Variants in RANBP17 observed in about 807,000 individuals in gnomAD.
RANBP17 encodes RAN binding protein 17.
RANBP17 carries 158 observed loss-of-function variants against 141.2 expected under a neutral mutation model. The ratio of observed to expected loss-of-function variants is 1.12; its 90% CI spans 0.98 to 1.28. RANBP17 has a LOEUF of 1.28. Ranked by LOEUF, RANBP17 falls within the 50% of genes most tolerant of loss-of-function variation. The pLI is 0.00. For missense variants in RANBP17, 1,438 were observed against 1,290.7 expected (o/e 1.11, Z -1.75); for synonymous variants, 430 against 450.0 (o/e 0.96, Z 0.56).
chr5:170,911,459 T>C (rs1771518958), intron 7 of RANBP17: 5 of 665,992 alleles, frequency 7.5e-6, no homozygotes, highest in Admixed American at 4.2e-5. Flanking sequence ...GATCCCACTC[T>C]GTTTATGATC....
intron 14 of RANBP17, among the ~76,000 whole-genome samples, chr5:171,117,619 G>A (rs1261718572): frequency 2.6e-5 from 4 of 151,844 alleles, no homozygotes; most frequent in Non-Finnish European, 4.4e-5. Context: ...TCAGCCTCCC[G>A]AGTAGCTAGG....
At chr5:171,215,577 C>T (rs1390562845) in intron 21 of RANBP17, among the ~76,000 whole-genome samples, 1 of 152,148 alleles carries the variant, frequency 6.6e-6, no homozygotes, top group African/African-American at 2.4e-5. Context: ...TGTTTCCTGA[C>T]TCTTTAATGA....
intron 14 of RANBP17, among the ~76,000 whole-genome samples, chr5:171,149,514 A>T (rs1400327031): frequency 6.6e-6 from 1 of 152,222 alleles, no homozygotes; most frequent in Admixed American, 6.5e-5. Flanking sequence ...GCAAAACAAA[A>T]GTGAAAGATT....
chr5:171,125,513 A>G (rs1756384734), intron 14 of RANBP17, among the ~76,000 whole-genome samples: 1 of 152,164 alleles, frequency 6.6e-6, no homozygotes, highest in African/African-American at 2.4e-5. Flanking sequence ...GCACTGAGAT[A>G]TATACAGCAA....
chr5:171,001,091 G>A (rs1350873839), intron 14 of RANBP17, among the ~76,000 whole-genome samples: 1 of 152,098 alleles, frequency 6.6e-6, no homozygotes, highest in Non-Finnish European at 1.5e-5. Context: ...TGAAGTGTTG[G>A]AGCAGTGAAA....
At chr5:171,198,195 CAG>C (rs1762087124) in intron 18 of RANBP17, among the ~76,000 whole-genome samples, 1 of 152,224 alleles carries the variant, frequency 6.6e-6, no homozygotes, top group African/African-American at 2.4e-5. Context: ...CACCAGTTAA[CAG>C]AGAAGAGTGT....
At chr5:171,195,905 G>GT (rs1225852955) in intron 18 of RANBP17, among the ~76,000 whole-genome samples, 1 of 152,174 alleles carries the variant, frequency 6.6e-6, no homozygotes, top group Non-Finnish European at 1.5e-5. Context: ...CCACATAAGT[G>GT]TTTTTTAAGC....
In RANBP17 at chr5:171,095,803, G is replaced by A. The variant is rs558144742; in HGVS notation, c.1711-74327G>A. ...AGTCAAAAATCTGAGCGTAACTTTA[G>A]ACTCCCCAAAAACTTACCTGCTAAT... On this transcript the variant is annotated intron_variant, in intron 14 of 27. Coordinates refer to ENST00000523189, the MANE Select transcript of RANBP17 (RefSeq NM_022897.5). Among the ~76,000 whole-genome samples, 4 of 152,168 alleles carry A rather than the reference G, an allele frequency of 2.6e-5. No individual in the cohort carries two copies. The East Asian group carries it at 7.7e-4, about 29-fold the overall frequency.
intron 12 of RANBP17, among the ~76,000 whole-genome samples, chr5:170,943,133 T>G (rs550555753): frequency 8.5e-5 from 13 of 152,294 alleles, no homozygotes; most frequent in African/African-American, 3.1e-4. Context: ...AATGATCATT[T>G]TATATTATGA....
At chr5:171,251,002 C>A (rs1026636292) in intron 24 of RANBP17, among the ~76,000 whole-genome samples, 1 of 152,214 alleles carries the variant, frequency 6.6e-6, no homozygotes, top group Non-Finnish European at 1.5e-5. Context: ...GCTACAGAAT[C>A]TACTCAACTA....
intron 14 of RANBP17, among the ~76,000 whole-genome samples, chr5:171,166,812 A>C (rs1462141067): frequency 6.6e-6 from 1 of 152,246 alleles, no homozygotes; most frequent in Non-Finnish European, 1.5e-5. Context: ...GTAATCATAC[A>C]TTGATTTTAA....
chr5:171,062,739 A>G (rs1194545860), intron 14 of RANBP17, among the ~76,000 whole-genome samples: 3 of 152,266 alleles, frequency 2.0e-5, no homozygotes, highest in South Asian at 4.2e-4. Context: ...CTCCTGGATA[A>G]TATCCTGCAG....
intron 14 of RANBP17, among the ~76,000 whole-genome samples, chr5:170,971,234 G>A (rs1430157945): frequency 2.0e-5 from 3 of 152,212 alleles, no homozygotes; most frequent in Admixed American, 6.5e-5. Flanking sequence ...TGTCCTAAGT[G>A]ATGTATGTGA....
intron 1 of RANBP17, among the ~76,000 whole-genome samples, chr5:170,873,515 T>A (rs1350135324): frequency 2.0e-5 from 3 of 152,166 alleles, no homozygotes; most frequent in Non-Finnish European, 4.4e-5. Context: ...TTTACTGCTT[T>A]AATTTTAGAA....
intron 21 of RANBP17, among the ~76,000 whole-genome samples, chr5:171,219,466 A>T (rs777416120): frequency 2.6e-5 from 4 of 152,052 alleles, no homozygotes; most frequent in Admixed American, 6.6e-5. Context: ...GTTCTTTTGG[A>T]TAATATCCTG....
intron 7 of RANBP17, among the ~76,000 whole-genome samples, chr5:170,913,098 G>C (rs1026012607): frequency 1.3e-5 from 2 of 151,942 alleles, no homozygotes; most frequent in Non-Finnish European, 2.9e-5. Flanking sequence ...TTCCAAACTA[G>C]ACCAAACTTA....
intron 5 of RANBP17, among the ~76,000 whole-genome samples, chr5:170,901,081 G>A (rs528921872): frequency 6.6e-6 from 1 of 152,032 alleles, no homozygotes; most frequent in African/African-American, 2.4e-5. Context: ...TTTCTTTCTC[G>A]TTGATCTCTC....
At chr5:171,066,162 G>A (rs755684953) in intron 14 of RANBP17, among the ~76,000 whole-genome samples, 130 of 152,052 alleles carry the variant, frequency 8.5e-4, no homozygotes, top group African/African-American at 2.6e-3. Flanking sequence ...GCACCCGGCT[G>A]TGTTTATTTT....
At chr5:170,909,879 G>T in intron 6 of RANBP17, 114 bp downstream of exon 6, 1 of 644,266 alleles carries the variant, frequency 1.6e-6, no homozygotes, top group African/African-American at 1.9e-5. Context: ...GAATTATTGT[G>T]GACAGACTTA....
Sources: allele counts gnomAD v4.1 joint callset (sites outside exome capture counted in the v4.1 genomes callset), GRCh38; gene constraint gnomAD v4.1.1; transcripts MANE v1.5; gene names NCBI Gene and HGNC (gene_info 2026-07-23, HGNC 2026-07-21).